FAM184B: variants seen among roughly 807,000 people sequenced by gnomAD.
FAM184B encodes family with sequence similarity 184 member B.
A neutral mutation model predicts 135.9 loss-of-function variants in FAM184B; 111 were observed. The ratio of observed to expected loss-of-function variants is 0.82; its 90% CI spans 0.70 to 0.96. The LOEUF (loss-of-function observed/expected upper bound fraction) is 0.96. Among genes scored for constraint, FAM184B ranks in the 40% least tolerant of loss-of-function variants. The pLI, the probability that FAM184B is intolerant of heterozygous loss-of-function variation, is 0.00. For synonymous variants in FAM184B, 552 were observed against 524.8 expected, an observed-to-expected ratio of 1.05 and a Z score of -0.71; for missense variants, 1,375 against 1,323.9, an observed-to-expected ratio of 1.04 and a Z score of -0.60.
At chr4:17,693,629 T>G (rs1200656235) in intron 5 of FAM184B, among the ~76,000 whole-genome samples, 1 of 152,172 alleles carries the variant, frequency 6.6e-6, no homozygotes, top group Non-Finnish European at 1.5e-5. Flanking sequence ...GCGGGGCAAA[T>G]TGTTGTCTTT....
intron 1 of FAM184B, among the ~76,000 whole-genome samples, chr4:17,745,583 C>T (rs913198907): frequency 7.9e-5 from 12 of 152,196 alleles, no homozygotes; most frequent in Admixed American, 6.5e-5. Flanking sequence ...CACTTCCTTC[C>T]GTCTCCTTTC....
chr4:17,638,825 T>TG (rs1372521517), intron 14 of FAM184B, among the ~76,000 whole-genome samples: 8 of 152,106 alleles, frequency 5.3e-5, no homozygotes, highest in Non-Finnish European at 8.8e-5. Flanking sequence ...GATGAGCCCC[T>TG]GGCTAGTTCC....
chr4:17,703,259 G>T (rs1717030125), intron 5 of FAM184B, among the ~76,000 whole-genome samples: 1 of 152,138 alleles, frequency 6.6e-6, no homozygotes, highest in African/African-American at 2.4e-5. Flanking sequence ...CATTTTGGGA[G>T]GCTAAGGTGG....
chr4:17,636,453 A>T, intron 15 of FAM184B, 75 bp downstream of exon 15: 1 of 1,115,314 alleles, frequency 9.0e-7, no homozygotes, highest in Non-Finnish European at 1.3e-6. Flanking sequence ...TGCTGGGTGC[A>T]AGTGAACGCC....
intron 1 of FAM184B, among the ~76,000 whole-genome samples, chr4:17,714,811 C>A (rs1398044488): frequency 6.6e-6 from 1 of 152,066 alleles, no homozygotes; most frequent in African/African-American, 2.4e-5. Flanking sequence ...GAGAGGGTAC[C>A]ACATGGTGGG....
chr4:17,713,659 G>A (rs961118165), intron 1 of FAM184B, among the ~76,000 whole-genome samples: 1 of 152,188 alleles, frequency 6.6e-6, no homozygotes. Flanking sequence ...GAGAAGTTCA[G>A]TAGCTTTTGT....
At chr4:17,746,809 G>A (rs758510020) in intron 1 of FAM184B, among the ~76,000 whole-genome samples, 19 of 151,598 alleles carry the variant, frequency 1.3e-4, no homozygotes, top group African/African-American at 4.1e-4. Context: ...AGGCTGAGGC[G>A]GGCGGATCAC....
chr4:17,672,589 G>A (rs371766298), intron 7 of FAM184B, among the ~76,000 whole-genome samples: 1 of 152,068 alleles, frequency 6.6e-6, no homozygotes, highest in African/African-American at 2.4e-5. Flanking sequence ...AATCATAAAG[G>A]GATGCTGGAT....
rs925205975 is a variant in FAM184B at position 17,652,563 on chromosome 4, T to C, written c.2191+267A>G. On this transcript the variant is annotated intron_variant, in intron 11 of 17. Transcript: ENST00000265018. ...CAGCTAGTTGGTGGCAGAGCCAGGA[T>C]TGTCCCTGACATGTGTGCCTGAGAT... Among the ~76,000 whole-genome samples, 5 of 152,244 alleles carry C rather than the reference T, an allele frequency of 3.3e-5. No homozygotes were observed. The East Asian group carries it at 5.8e-4, about 18-fold the overall frequency.
chr4:17,668,377 C>A (rs1322633581), intron 7 of FAM184B, among the ~76,000 whole-genome samples: 1 of 152,134 alleles, frequency 6.6e-6, no homozygotes, highest in Non-Finnish European at 1.5e-5. Flanking sequence ...ATTGATGCAC[C>A]CTTTAATCTC....
chr4:17,719,738 T>C (rs1717475270), intron 1 of FAM184B, among the ~76,000 whole-genome samples: 1 of 152,214 alleles, frequency 6.6e-6, no homozygotes, highest in Non-Finnish European at 1.5e-5. Flanking sequence ...ACTCCTCAAA[T>C]ACTCTATAAC....
chr4:17,781,069 GC>G lies in FAM184B; in HGVS notation c.141+89del, dbSNP rs1719022272. 1 of 1,404,128 alleles carries G rather than the reference GC, an allele frequency of 7.1e-7. No individual in the cohort carries two copies. The highest frequency in any genetic ancestry group is 1.5e-5 in the African/African-American group (1 of 66,718). 87.0% of individuals were successfully genotyped at this position (1,404,128 alleles called of 1,614,324 possible). The stretch of plus-strand genomic sequence containing the variant: ...GAGACAAAGTTTCTGTCTGGATTTG[GC>G]CCGGGCCTCCCGGGAGGCGCATCCG... On this transcript the variant is annotated intron_variant, in intron 1 of 17. Coordinates refer to ENST00000265018, the MANE Select transcript of FAM184B (RefSeq NM_015688.2). This position sits in a 1 kb window ranked among gnomAD's most constrained non-coding sequence, Gnocchi z 6.5.
At chr4:17,695,243 C>T (rs6832414) in intron 5 of FAM184B, among the ~76,000 whole-genome samples, 1 of 151,350 alleles carries the variant, frequency 6.6e-6, no homozygotes, top group Admixed American at 6.6e-5. Context: ...GCTCACTGCA[C>T]CCTTGACCAC....
At chr4:17,738,567 G>A (rs1577284036) in intron 1 of FAM184B, among the ~76,000 whole-genome samples, 1 of 152,054 alleles carries the variant, frequency 6.6e-6, no homozygotes, top group African/African-American at 2.4e-5. Flanking sequence ...AGAACAAGGA[G>A]GACCAATAAT....
intron 1 of FAM184B, among the ~76,000 whole-genome samples, chr4:17,727,976 TA>T (rs1002998028): frequency 3.3e-4 from 50 of 150,352 alleles, no homozygotes; most frequent in African/African-American, 8.1e-4. Context: ...AGTTCTTATT[TA>T]AAAAAAAAAT....
chr4:17,775,947 C>T (rs1577299242), intron 1 of FAM184B, among the ~76,000 whole-genome samples: 1 of 152,088 alleles, frequency 6.6e-6, no homozygotes. Context: ...TTCACTACCA[C>T]GTATTGTATC....
chr4:17,755,648 G>A (rs182935808), intron 1 of FAM184B, among the ~76,000 whole-genome samples: 6 of 152,248 alleles, frequency 3.9e-5, no homozygotes, highest in Non-Finnish European at 7.4e-5. Flanking sequence ...GCAAAGACAT[G>A]GAATCAACCC....
intron 5 of FAM184B, among the ~76,000 whole-genome samples, chr4:17,699,181 G>A (rs1314503548): frequency 6.6e-6 from 1 of 151,742 alleles, no homozygotes; most frequent in South Asian, 2.1e-4. Flanking sequence ...GAGTAAACTT[G>A]AAGATACAGC....
intron 1 of FAM184B, among the ~76,000 whole-genome samples, chr4:17,714,970 T>C (rs1717375195): frequency 6.6e-6 from 1 of 152,064 alleles, no homozygotes; most frequent in Non-Finnish European, 1.5e-5. Context: ...TGGTAAATGG[T>C]TCCTCCCCTC....
Sources: gnomAD v4.1 joint callset for allele counts (sites outside exome capture counted in the v4.1 genomes callset) on GRCh38, gnomAD v4.1.1 for gene constraint, Gnocchi (gnomAD v3.1) non-coding constraint, MANE v1.5 for transcripts, NCBI Gene and HGNC (gene_info 2026-07-23, HGNC 2026-07-21) for gene names.